Variants in NFIA observed in about 807,000 individuals in gnomAD.
The protein encoded by NFIA is nuclear factor 1 A-type.
A neutral mutation model predicts 62.8 loss-of-function variants in NFIA; 8 were observed. That is an observed-to-expected ratio of 0.13 (90% CI 0.07 to 0.23). The LOEUF (loss-of-function observed/expected upper bound fraction) is 0.23, where lower values mean the gene tolerates loss of function less well. Ranked by LOEUF, NFIA falls within the 10% of genes least tolerant of loss-of-function variation. The probability of loss-of-function intolerance (pLI) is 1.00; values close to 1 mark genes in which losing one functional copy is unlikely to be tolerated. For missense variants in NFIA, 410 were observed against 642.1 expected (o/e 0.64, Z 3.91); for synonymous variants, 235 against 238.1 (o/e 0.99, Z 0.12).
At chr1:61,218,757 T>C (rs1653812756) in intron 2 of NFIA, among the ~76,000 whole-genome samples, 1 of 152,220 alleles carries the variant, frequency 6.6e-6, no homozygotes, top group South Asian at 2.1e-4. Flanking sequence ...GATGGATCAT[T>C]TGTGAAACCA....
intron 6 of NFIA, among the ~76,000 whole-genome samples, chr1:61,377,075 T>C (rs571547820): frequency 6.6e-6 from 1 of 151,568 alleles, no homozygotes; most frequent in Admixed American, 6.6e-5. Flanking sequence ...ATACAAAAAT[T>C]AGCCGGGTAT....
At chr1:61,279,530 G>A (rs984309471) in intron 3 of NFIA, among the ~76,000 whole-genome samples, 1 of 152,044 alleles carries the variant, frequency 6.6e-6, no homozygotes, top group Non-Finnish European at 1.5e-5. Context: ...CACTTGACTT[G>A]TAGGTGATGT....
intron 2 of NFIA, among the ~76,000 whole-genome samples, chr1:61,151,985 G>A (rs897234805): frequency 1.3e-5 from 2 of 152,160 alleles, no homozygotes; most frequent in African/African-American, 4.8e-5. Flanking sequence ...TGCTCAGAGA[G>A]TCCTGTCCTG....
chr1:61,364,867 C>T (rs1663499613), intron 6 of NFIA, among the ~76,000 whole-genome samples: 1 of 152,134 alleles, frequency 6.6e-6, no homozygotes, highest in African/African-American at 2.4e-5. Context: ...ACCCTTGCTG[C>T]TCCAAGTGTG....
chr1:61,430,333 T>G (rs1046661024), intron 10 of NFIA, among the ~76,000 whole-genome samples: 1 of 152,222 alleles, frequency 6.6e-6, no homozygotes, highest in African/African-American at 2.4e-5. Context: ...ATTATATTCA[T>G]AATACATGTT....
intron 2 of NFIA, among the ~76,000 whole-genome samples, chr1:61,157,979 T>A (rs1325869991): frequency 6.6e-6 from 1 of 152,230 alleles, no homozygotes; most frequent in Non-Finnish European, 1.5e-5. Flanking sequence ...TTAAAAGTTA[T>A]TTACATGAAT....
At chr1:61,366,779 T>A (rs529019859) in intron 6 of NFIA, among the ~76,000 whole-genome samples, 1 of 152,128 alleles carries the variant, frequency 6.6e-6, no homozygotes, top group East Asian at 1.9e-4. Context: ...AAAATTTAGC[T>A]GGGCGTGGCG....
chr1:61,082,494 G>A, upstream of NFIA: 1 of 1,164,708 alleles, frequency 8.6e-7, no homozygotes, highest in Non-Finnish European at 1.1e-6. Flanking sequence ...AGCGGGAAAG[G>A]GTGCGCTATG....
chr1:61,346,442 A>G (rs1008740769), intron 4 of NFIA, among the ~76,000 whole-genome samples: 2 of 152,236 alleles, frequency 1.3e-5, no homozygotes, highest in Non-Finnish European at 2.9e-5. Flanking sequence ...GAAGGACTTA[A>G]TGCCATTATT....
chr1:61,141,996 G>A (rs185058180), intron 2 of NFIA, among the ~76,000 whole-genome samples: 105 of 152,208 alleles, frequency 6.9e-4, no homozygotes, highest in Non-Finnish European at 8.8e-4. Flanking sequence ...CTCCTAAAAT[G>A]CAGCTGGCCA....
At chr1:61,149,870 G>A (rs1648277883) in intron 2 of NFIA, among the ~76,000 whole-genome samples, 1 of 152,120 alleles carries the variant, frequency 6.6e-6, no homozygotes, top group African/African-American at 2.4e-5. Context: ...ACTGCAATGA[G>A]CCAAGGTGGC....
chr1:61,434,532 A>G (rs780463798), intron 10 of NFIA, among the ~76,000 whole-genome samples: 5 of 152,212 alleles, frequency 3.3e-5, no homozygotes, highest in African/African-American at 4.8e-5. Context: ...ATTTGGCAGC[A>G]TGTCGTAGAC....
At chr1:61,228,032 T>A (rs1306729660) in intron 2 of NFIA, among the ~76,000 whole-genome samples, 1 of 152,346 alleles carries the variant, frequency 6.6e-6, no homozygotes, top group South Asian at 2.1e-4. Flanking sequence ...CTCTCAGATC[T>A]TGAAGATCTG....
intron 2 of NFIA, among the ~76,000 whole-genome samples, chr1:61,275,264 T>C (rs1232197965): frequency 1.3e-5 from 2 of 152,184 alleles, no homozygotes; most frequent in South Asian, 4.1e-4. Context: ...AAACTTTCTT[T>C]GGACATACCT....
chr1:61,397,541 A>G (rs1057188440), intron 7 of NFIA, among the ~76,000 whole-genome samples: 2 of 152,158 alleles, frequency 1.3e-5, no homozygotes, highest in Non-Finnish European at 2.9e-5. Flanking sequence ...ATTCTTGTCT[A>G]TGATAGTACT....
chr1:61,154,180 C>T (rs1648627593), intron 2 of NFIA, among the ~76,000 whole-genome samples: 1 of 152,126 alleles, frequency 6.6e-6, no homozygotes, highest in South Asian at 2.1e-4. Context: ...GGTGGAGTCT[C>T]ACACCGTCTC....
At chr1:61,447,163 T>G (rs77755479) in intron 10 of NFIA, among the ~76,000 whole-genome samples, 5,373 of 152,318 alleles carry the variant, frequency 0.035, 323 homozygotes, top group African/African-American at 0.12. Context: ...AGGAAAAGAT[T>G]ATTTTAATGT....
Position 61,426,576 on chromosome 1 carries a change from T to G in NFIA, c.1512+20T>G. 6.6e-7 allele frequency: 1 copy of G among 1,523,338 alleles called. No individual in the cohort carries two copies. The highest frequency in any genetic ancestry group is 8.9e-7 in the Non-Finnish European group (1 of 1,121,108). 94.4% of individuals were successfully genotyped at this position (1,523,338 alleles called of 1,614,324 possible). On this transcript the variant is annotated intron_variant, in intron 10 of 10. Transcript: ENST00000403491. The stretch of plus-strand genomic sequence containing the variant: ...ACACAGGTGGGCCGCTCTCATCTTT[T>G]CTGTATGTGGTGCAGCTTGTATTAT...
At chr1:61,294,981 T>C (rs1659110826) in intron 3 of NFIA, among the ~76,000 whole-genome samples, 1 of 152,196 alleles carries the variant, frequency 6.6e-6, no homozygotes, top group Non-Finnish European at 1.5e-5. Flanking sequence ...GGTACTCTGG[T>C]ACCTGGAGGC....
Sources: allele counts gnomAD v4.1 joint callset (sites outside exome capture counted in the v4.1 genomes callset), GRCh38; gene constraint gnomAD v4.1.1; transcripts MANE v1.5; gene names NCBI Gene and HGNC (gene_info 2026-07-23, HGNC 2026-07-21).